HRH1: variants seen among roughly 807,000 people sequenced by gnomAD.
HRH1 encodes histamine H1 receptor.
HRH1 carries 6 observed loss-of-function variants against 10.3 expected under a neutral mutation model. That is an observed-to-expected ratio of 0.58 (90% CI 0.32 to 1.15). The LOEUF (loss-of-function observed/expected upper bound fraction) is 1.15, where lower values mean the gene tolerates loss of function less well. HRH1 is among the 50% of genes most tolerant of loss of function. The probability of loss-of-function intolerance (pLI) is 0.05; values close to 1 mark genes in which losing one functional copy is unlikely to be tolerated. For missense variants in HRH1, 514 were observed against 615.3 expected (o/e 0.84, Z 1.74); for synonymous variants, 242 against 236.7 (o/e 1.02, Z -0.21).
In HRH1 at chr3:11,260,998, T is replaced by G. The variant is rs1464225098; in HGVS notation, c.*497T>G. 5.9e-6 allele frequency: 1 copy of G among 168,710 alleles called. No individual in the cohort carries two copies. Among genetic ancestry groups the G allele is most frequent in the Non-Finnish European group, 1.4e-5 (1 of 69,242 alleles). The allele number at this position is 168,710 out of a possible 1,614,324, so 10.5% of individuals were successfully genotyped here. A position where few individuals can be genotyped will look rare whatever the true frequency, so the allele number is the denominator to read the frequency against. On this transcript the variant is annotated 3_prime_UTR_variant, in exon 2 of 2. Coordinates refer to ENST00000431010, the MANE Select transcript of HRH1 (RefSeq NM_001098212.2). Reference sequence around the variant, plus strand: ...AGACTTTATCCATGCCAATAGTTGCTGTCCCCTTCCAGGGGTCACCTTGAG... The same window carrying G: ...AGACTTTATCCATGCCAATAGTTGCGGTCCCCTTCCAGGGGTCACCTTGAG...
intron 1 of HRH1, among the ~76,000 whole-genome samples, chr3:11,176,856 G>A (rs1937258152): frequency 6.6e-6 from 1 of 152,252 alleles, no homozygotes; most frequent in African/African-American, 2.4e-5. Flanking sequence ...ACTTTGGGAG[G>A]CCAAGGCAGG....
chr3:11,155,074 G>C lies in HRH1; in HGVS notation c.-36+520G>C, dbSNP rs1936754280. ...CCCAGGAGCATCAGCTGGTTAAGGGGAGAGAGTCAGGGTTTTGCTCGGAGT... is the reference window on the plus strand; with the variant it reads ...CCCAGGAGCATCAGCTGGTTAAGGGCAGAGAGTCAGGGTTTTGCTCGGAGT... On this transcript the variant is annotated intron_variant, in intron 1 of 1. Transcript: ENST00000431010. Among the ~76,000 whole-genome samples the C allele has an allele frequency of 2.0e-5, 3 of 152,196 alleles. No homozygotes were observed. In the South Asian group the frequency reaches 6.2e-4, roughly 31 times the overall value.
intron 1 of HRH1, among the ~76,000 whole-genome samples, chr3:11,139,805 T>C (rs556576825): frequency 6.6e-6 from 1 of 152,278 alleles, no homozygotes; most frequent in African/African-American, 2.4e-5. Context: ...AAAGTTCAGA[T>C]TCATGGTCGC....
intron 1 of HRH1, among the ~76,000 whole-genome samples, chr3:11,232,268 G>A (rs1206492733): frequency 2.0e-5 from 3 of 152,220 alleles, no homozygotes; most frequent in Non-Finnish European, 2.9e-5. Flanking sequence ...TTACAGGCAT[G>A]AGCCACGGTG....
intron 1 of HRH1, among the ~76,000 whole-genome samples, chr3:11,180,111 A>G (rs1366076877): frequency 6.6e-6 from 1 of 152,098 alleles, no homozygotes; most frequent in African/African-American, 2.4e-5. Flanking sequence ...CACATACCAT[A>G]TTATTCACCT....
At chr3:11,233,790 A>G (rs1939104184) in intron 1 of HRH1, among the ~76,000 whole-genome samples, 1 of 152,236 alleles carries the variant, frequency 6.6e-6, no homozygotes, top group Non-Finnish European at 1.5e-5. Flanking sequence ...GTATCTGACC[A>G]TCTGGCCTCT....
chr3:11,224,430 G>A lies in HRH1; in HGVS notation c.-35-34573G>A, dbSNP rs781324446. On this transcript the variant is annotated intron_variant, in intron 1 of 1. Transcript: ENST00000431010. ...GGATGTTGGAGGGCCGGGCGCGGTG[G>A]CTCACGCCTGTAATCCCAGCACTTT... Among the ~76,000 whole-genome samples, 57 of 152,304 alleles carry A rather than the reference G, an allele frequency of 3.7e-4. 2 individuals carry two copies. The Middle Eastern group carries it at 0.02, about 55-fold the overall frequency.
chr3:11,208,936 T>C (rs1264624617), intron 1 of HRH1, among the ~76,000 whole-genome samples: 1 of 152,196 alleles, frequency 6.6e-6, no homozygotes, highest in African/African-American at 2.4e-5. Flanking sequence ...GAGTAAAAGC[T>C]ACAAAACTGC....
rs560631158 is a variant in HRH1, at chr3:11,202,901, G to T, written c.-36+48347G>T. Among the ~76,000 whole-genome samples the T allele has an allele frequency of 5.5e-4, 83 of 152,200 alleles. 2 individuals are homozygous for T. The highest frequency in any genetic ancestry group is 5.4e-3 in the Admixed American group (83 of 15,290). On this transcript the variant is annotated intron_variant, in intron 1 of 1. Transcript: ENST00000431010. ...CTCTCCTAAAAATCATCTGTGATCT[G>T]CCTATTCATCCCTTCCCCTGCCCAA...
Position 11,260,074 on chromosome 3 carries a change from T to A in HRH1, c.1037T>A (p.Ile346Lys), listed in dbSNP as rs773291493. 6.2e-7 allele frequency: 1 copy of A among 1,614,070 alleles called. No individual in the cohort carries two copies. Among genetic ancestry groups the A allele is most frequent in the East Asian group, 2.2e-5 (1 of 44,868 alleles). Residue 346 changes from isoleucine (I) to lysine (K), a missense_variant, in exon 2 of 2, where the codon ATA (isoleucine) becomes AAA (lysine). Physicochemically the swap from Ile to Lys is moderately radical, Grantham distance 102 (BLOSUM62 -3). Coordinates refer to ENST00000431010, the MANE Select transcript of HRH1 (RefSeq NM_001098212.2). ...CTGAACACACATGGGGCCAGCGAGA[T>A]ATCAGAGGATCAGATGTTAGGTGAT... ...QGLNTHGASE[I>K]SEDQMLGDSQ...
chr3:11,245,456 C>A lies in HRH1; in HGVS notation c.-35-13547C>A, dbSNP rs532659293. Among the ~76,000 whole-genome samples the A allele has an allele frequency of 2.9e-4, 44 of 152,342 alleles. 1 individual carries two copies. The South Asian group carries it at 9.1e-3, about 32-fold the overall frequency. ...GACCTTGAGTAAGATGCTTCACCTCCTGAGCTTGAGCTGACCATTTCCTCC... is the reference window on the plus strand; with the variant it reads ...GACCTTGAGTAAGATGCTTCACCTCATGAGCTTGAGCTGACCATTTCCTCC... On this transcript the variant is annotated intron_variant, in intron 1 of 1. Coordinates refer to ENST00000431010, the MANE Select transcript of HRH1 (RefSeq NM_001098212.2).
At chr3:11,205,748 G>A (rs746586476) in intron 1 of HRH1, among the ~76,000 whole-genome samples, 16 of 150,158 alleles carry the variant, frequency 1.1e-4, no homozygotes, top group Admixed American at 1.0e-3. Context: ...TGTAACCTCC[G>A]CCTCCCAGAT....
intron 1 of HRH1, among the ~76,000 whole-genome samples, chr3:11,162,465 T>C (rs1343595396): frequency 1.7e-5 from 2 of 114,464 alleles, no homozygotes; most frequent in Non-Finnish European, 3.5e-5. Flanking sequence ...GACCCTCCTG[T>C]CCTGATGACT....
intron 1 of HRH1, among the ~76,000 whole-genome samples, chr3:11,227,226 T>C (rs1938911961): frequency 6.6e-6 from 1 of 151,954 alleles, no homozygotes; most frequent in African/African-American, 2.4e-5. Context: ...GAAGTAGGTC[T>C]GAGCATGGAA....
chr3:11,163,309 C>T (rs937804379), intron 1 of HRH1, among the ~76,000 whole-genome samples: 20 of 152,290 alleles, frequency 1.3e-4, no homozygotes, highest in African/African-American at 2.9e-4. Flanking sequence ...ATTTCACTTT[C>T]CTGCTTAAAA....
intron 1 of HRH1, among the ~76,000 whole-genome samples, chr3:11,237,859 G>C (rs1461089429): frequency 6.6e-6 from 1 of 151,722 alleles, no homozygotes; most frequent in East Asian, 1.9e-4. Flanking sequence ...TGTATTTTTA[G>C]TAGAGACGGA....
chr3:11,187,648 C>T (rs1017840607), intron 1 of HRH1, among the ~76,000 whole-genome samples: 3 of 152,156 alleles, frequency 2.0e-5, no homozygotes, highest in Non-Finnish European at 4.4e-5. Context: ...CAAACTTATG[C>T]ATGCAGGAAC....
At chr3:11,179,346 C>T (rs1225930226) in intron 1 of HRH1, among the ~76,000 whole-genome samples, 8 of 151,698 alleles carry the variant, frequency 5.3e-5, no homozygotes, top group African/African-American at 7.3e-5. Context: ...CAGGGCCGGG[C>T]GCGGTGGCTC....
intron 1 of HRH1, among the ~76,000 whole-genome samples, chr3:11,198,928 A>AT (rs1553573175): frequency 0.012 from 1,746 of 140,210 alleles, 11 homozygotes; most frequent in African/African-American, 0.027. Flanking sequence ...ACACACACAC[A>AT]TTTTTTTTTT....
Sources: allele counts gnomAD v4.1 joint callset (sites outside exome capture counted in the v4.1 genomes callset), GRCh38; gene constraint gnomAD v4.1.1; transcripts MANE v1.5; gene names NCBI Gene and HGNC (gene_info 2026-07-23, HGNC 2026-07-21).